ADAMTS5: variants seen among roughly 807,000 people sequenced by gnomAD.
The protein encoded by ADAMTS5 is ADAM metallopeptidase with thrombospondin type 1 motif 5.
In ADAMTS5, 54 loss-of-function variants were observed where a neutral mutation model predicts 81.4. The ratio of observed to expected loss-of-function variants is 0.66; its 90% CI spans 0.53 to 0.83. The LOEUF (loss-of-function observed/expected upper bound fraction) is 0.83. Ranked by LOEUF, ADAMTS5 falls within the 40% of genes least tolerant of loss-of-function variation. The pLI is 0.00. For synonymous variants in ADAMTS5, 532 were observed against 508.8 expected, an observed-to-expected ratio of 1.05 and a Z score of -0.61; for missense variants, 1,194 against 1,229.9, an observed-to-expected ratio of 0.97 and a Z score of 0.44.
intron 3 of ADAMTS5, among the ~76,000 whole-genome samples, chr21:26,935,718 C>G (rs1204700681): frequency 6.6e-6 from 1 of 152,016 alleles, no homozygotes; most frequent in Non-Finnish European, 1.5e-5. Context: ...AATTTGCTTC[C>G]TCTTCCTCTC....
intron 7 of ADAMTS5, 131 bp downstream of exon 7, chr21:26,929,755 G>T: frequency 1.3e-6 from 1 of 752,060 alleles, no homozygotes; most frequent in Non-Finnish European, 1.9e-6. Context: ...TATTTAAAAT[G>T]TGTTTCTAGA....
intron 1 of ADAMTS5, 77 bp from the exon 2 acceptor site, chr21:26,954,948 C>A (rs1987395746): frequency 1.3e-6 from 2 of 1,535,284 alleles, no homozygotes; most frequent in Non-Finnish European, 8.9e-7. Flanking sequence ...CACTTGCTTA[C>A]CCCAAATGGC....
At position 26,965,665 on chromosome 21, in the gene ADAMTS5, C is replaced by T; in HGVS notation, c.727G>A (p.Ala243Thr). The T allele has an allele frequency of 6.3e-7, 1 of 1,589,380 alleles. No homozygotes were observed. The highest frequency in any genetic ancestry group is 8.5e-7 in the Non-Finnish European group (1 of 1,170,472). Residue 243 changes from alanine (A) to threonine (T), a missense_variant, in exon 1 of 8, where the codon GCT (alanine) becomes ACT (threonine). Coordinates refer to ENST00000284987, the MANE Select transcript of ADAMTS5 (RefSeq NM_007038.5). The part of the protein sequence containing the change: ...ALASQLLDQS[A>T]LSPAGGSGPQ... ...CCTGAGCCCCCAGCGGGCGAGAGAG[C>T]GGACTGGTCCAAGAGCTGCGAGGCC...
At chr21:26,965,114 G>A (rs556607647) in intron 1 of ADAMTS5, among the ~76,000 whole-genome samples, 174 bp downstream of exon 1, 2 of 152,294 alleles carry the variant, frequency 1.3e-5, no homozygotes, top group East Asian at 3.9e-4. Context: ...ATTTCTGCGG[G>A]GCTAACGTGA....
In ADAMTS5 at chr21:26,946,780, A is replaced by G. The variant is rs555158695; in HGVS notation, c.1238-3233T>C. 5.9e-5 allele frequency among the ~76,000 whole-genome samples: 9 copies of G among 152,342 alleles called. No homozygotes were observed. In the East Asian group the frequency reaches 1.7e-3, roughly 29 times the overall value. ...ACATGATGAGTTTTTAGAGCAATAC[A>G]GAGCAACAGAGTTAGTTGAGGGTGA... On this transcript the variant is annotated intron_variant, in intron 2 of 7. Transcript: ENST00000284987.
chr21:26,943,085 A>G (rs1987143674), intron 3 of ADAMTS5, among the ~76,000 whole-genome samples: 1 of 152,210 alleles, frequency 6.6e-6, no homozygotes, highest in African/African-American at 2.4e-5. Flanking sequence ...GTGGTAAAAG[A>G]AGGAATAAAA....
Position 26,966,348 on chromosome 21 carries a change from A to G in ADAMTS5, c.44T>C (p.Leu15Pro). 1 of 1,502,782 alleles carries G rather than the reference A, an allele frequency of 6.7e-7. No homozygotes were observed. The highest frequency in any genetic ancestry group is 8.8e-7 in the Non-Finnish European group (1 of 1,134,536). 93.1% of individuals were successfully genotyped at this position (1,502,782 alleles called of 1,614,324 possible). A position where few individuals can be genotyped will look rare whatever the true frequency, so the allele number is the denominator to read the frequency against. The change falls in exon 1 of 8, where the codon CTG becomes CCG. Residue 15 changes from leucine to proline, a missense_variant. Around this residue, in one of 2 missense-constraint regions of ADAMTS5, gnomAD observed 498 missense variants for 412.3 expected, o/e 1.21. Transcript: ENST00000284987. ...GGCGGGGCCGACCGCGGCCAGGGGC[A>G]GGCGGAACGCGCACAGCAGCAGGGA... is the stretch of plus-strand genomic sequence containing the variant. ...WASLLLCAFR[L>P]PLAAVGPAAT...
rs546824150 is a variant in ADAMTS5, at chr21:26,966,231, C to A, written c.161G>T (p.Arg54Leu). 30 of 1,599,264 alleles carry A rather than the reference C, an allele frequency of 1.9e-5. No individual in the cohort carries two copies. The highest frequency in any genetic ancestry group is 1.3e-4 in the African/African-American group (10 of 74,420). The change falls in exon 1 of 8, where the codon CGA becomes CTA. Residue 54 changes from arginine (R) to leucine (L), a missense_variant. Physicochemically the swap from Arg to Leu is moderately radical, Grantham distance 102. This residue lies in a region of ADAMTS5 where 498 missense variants were observed against 412.3 expected (regional missense o/e 1.21). Transcript: ENST00000284987. ...RRRQGEEVQERAEPPGHPHPL... is the reference protein window; with the variant it reads ...RRRQGEEVQELAEPPGHPHPL... ...GTGCGGGTGGCCGGGAGGCTCGGCT[C>A]GCTCCTGCACCTCCTCCCCCTGCCG...
chr21:26,960,513 G>A (rs552489608), intron 1 of ADAMTS5, among the ~76,000 whole-genome samples: 55 of 152,308 alleles, frequency 3.6e-4, no homozygotes, highest in African/African-American at 1.3e-3. Context: ...TAGAAGAAGT[G>A]ATACCCAAGA....
intron 1 of ADAMTS5, among the ~76,000 whole-genome samples, chr21:26,962,701 C>T (rs1987551988): frequency 6.6e-6 from 1 of 152,306 alleles, no homozygotes; most frequent in Non-Finnish European, 1.5e-5. Context: ...TGCTAAGCAA[C>T]GCACTTCTTA....
chr21:26,938,583 G>A (rs1049985768), intron 3 of ADAMTS5, among the ~76,000 whole-genome samples: 1 of 152,212 alleles, frequency 6.6e-6, no homozygotes, highest in African/African-American at 2.4e-5. Flanking sequence ...AGGCTGGAGT[G>A]CAGTGGTGCA....
At position 26,924,183 on chromosome 21, in the gene ADAMTS5, G is replaced by C. The variant is rs745618624; in HGVS notation, c.2663C>G (p.Ser888Cys). Residue 888 changes from serine (S) to cysteine (C), a missense_variant, in exon 8 of 8, where the codon TCT (serine) becomes TGT (cysteine). This residue lies in a region of ADAMTS5 where 696 missense variants were observed against 817.6 expected (regional missense o/e 0.85). Transcript: ENST00000284987. ...GTGCCAACCTGTGTCACAGGTCCTA[G>C]AGCAGGCGAGCCATGGGCCCGTGAC... ...QWVTGPWLACSRTCDTGWHTR... is the reference protein window; with the variant it reads ...QWVTGPWLACCRTCDTGWHTR... The C allele has an allele frequency of 4.3e-6, 7 of 1,614,198 alleles. No homozygotes were observed. Among genetic ancestry groups the C allele is most frequent in the Non-Finnish European group, 4.2e-6 (5 of 1,180,024 alleles).
chr21:26,938,851 T>G (rs1362191659), intron 3 of ADAMTS5, among the ~76,000 whole-genome samples: 1 of 152,220 alleles, frequency 6.6e-6, no homozygotes, highest in Non-Finnish European at 1.5e-5. Context: ...TGTTCTTTAT[T>G]GTTTTCAAAT....
intron 2 of ADAMTS5, among the ~76,000 whole-genome samples, chr21:26,948,905 G>A (rs1165390873): frequency 1.3e-5 from 2 of 152,056 alleles, no homozygotes; most frequent in African/African-American, 2.4e-5. Context: ...GACCTTAGAC[G>A]GGTTTAGAAA....
intron 1 of ADAMTS5, 140 bp from the exon 2 acceptor site, chr21:26,955,011 G>A (rs1267141589): frequency 2.0e-6 from 2 of 1,014,184 alleles, no homozygotes; most frequent in East Asian, 2.6e-5. Flanking sequence ...CGTTCCAAAG[G>A]CAAACTCAAG....
At chr21:26,956,151 T>G (rs1987422912) in intron 1 of ADAMTS5, among the ~76,000 whole-genome samples, 1 of 152,192 alleles carries the variant, frequency 6.6e-6, no homozygotes, top group Non-Finnish European at 1.5e-5. Flanking sequence ...ACATAACCAG[T>G]GCTACATACT....
chr21:26,930,084 G>A, intron 6 of ADAMTS5, 23 bp from the exon 7 acceptor site: 1 of 1,610,522 alleles, frequency 6.2e-7, no homozygotes, highest in Non-Finnish European at 8.5e-7. Context: ...AAATGCATTA[G>A]GAGTGGGAAA....
chr21:26,938,488 C>T (rs1487424922), intron 3 of ADAMTS5, among the ~76,000 whole-genome samples: 1 of 152,160 alleles, frequency 6.6e-6, no homozygotes, highest in Non-Finnish European at 1.5e-5. Flanking sequence ...TGACTTATAG[C>T]ACTATTTGTC....
At chr21:26,955,949 A>G (rs887878751) in intron 1 of ADAMTS5, among the ~76,000 whole-genome samples, 3 of 152,238 alleles carry the variant, frequency 2.0e-5, no homozygotes, top group African/African-American at 7.2e-5. Context: ...AAATGTTTCT[A>G]TTATACAACA....
Sources: gnomAD v4.1 joint callset for allele counts (sites outside exome capture counted in the v4.1 genomes callset) on GRCh38, gnomAD v4.1.1 for gene constraint, gnomAD v4.1.1 regional missense constraint, MANE v1.5 for transcripts, NCBI Gene and HGNC (gene_info 2026-07-23, HGNC 2026-07-21) for gene names.